The following SH3GL2 variants were observed in gnomAD, a reference collection of about 807,000 sequenced individuals.
SH3GL2 encodes endophilin-A1.
SH3GL2 carries 24 observed loss-of-function variants against 46.0 expected under a neutral mutation model. The observed-to-expected ratio is 0.52, with a 90% CI of 0.38 to 0.73. The LOEUF (loss-of-function observed/expected upper bound fraction) is 0.73, where lower values mean the gene tolerates loss of function less well. Among genes scored for constraint, SH3GL2 ranks in the 30% least tolerant of loss-of-function variants. The pLI, the probability that SH3GL2 is intolerant of heterozygous loss-of-function variation, is 0.00. For missense variants in SH3GL2, 413 were observed against 424.2 expected, an observed-to-expected ratio of 0.97 and a Z score of 0.23; for synonymous variants, 196 against 147.1, an observed-to-expected ratio of 1.33 and a Z score of -2.40.
At chr9:17,683,286 G>A (rs1473327942) in intron 1 of SH3GL2, among the ~76,000 whole-genome samples, 3 of 152,106 alleles carry the variant, frequency 2.0e-5, no homozygotes, top group African/African-American at 7.2e-5. Context: ...AACACTGGGG[G>A]CAAGGCAAGT....
intron 1 of SH3GL2, among the ~76,000 whole-genome samples, chr9:17,605,001 G>C (rs1177258990): frequency 1.3e-5 from 2 of 150,388 alleles, no homozygotes; most frequent in Non-Finnish European, 3.0e-5. Context: ...TTTTGAAATG[G>C]GGTCTTTGTG....
intron 1 of SH3GL2, among the ~76,000 whole-genome samples, chr9:17,706,763 C>G (rs934576161): frequency 6.6e-6 from 1 of 151,922 alleles, no homozygotes; most frequent in African/African-American, 2.4e-5. Flanking sequence ...TTGCAGGTCC[C>G]TCTATTCCTG....
intron 1 of SH3GL2, among the ~76,000 whole-genome samples, chr9:17,672,592 C>G (rs1820501074): frequency 6.6e-6 from 1 of 152,110 alleles, no homozygotes; most frequent in African/African-American, 2.4e-5. Context: ...GGCAAATGAG[C>G]TGCAACAGAG....
intron 1 of SH3GL2, among the ~76,000 whole-genome samples, chr9:17,618,109 A>G (rs1819048651): frequency 6.6e-6 from 1 of 152,104 alleles, no homozygotes; most frequent in Admixed American, 6.6e-5. Context: ...TCCAGTTTGC[A>G]TTGGTTCTCA....
At chr9:17,769,372 C>A (rs927405275) in intron 3 of SH3GL2, among the ~76,000 whole-genome samples, 1 of 152,160 alleles carries the variant, frequency 6.6e-6, no homozygotes, top group East Asian at 1.9e-4. Context: ...CACTATACTG[C>A]CTTTTTCCAT....
intron 1 of SH3GL2, among the ~76,000 whole-genome samples, chr9:17,587,898 C>CAAA (rs1818411101): frequency 3.4e-5 from 5 of 145,354 alleles, no homozygotes; most frequent in African/African-American, 1.4e-4. Flanking sequence ...AAAACAAAAA[C>CAAA]CAAAAAAAAA....
chr9:17,610,432 A>G (rs2134579706), intron 1 of SH3GL2, among the ~76,000 whole-genome samples: 1 of 152,326 alleles, frequency 6.6e-6, no homozygotes, highest in Admixed American at 6.5e-5. Flanking sequence ...CAAAGAGTAT[A>G]CAATTTAGTA....
At chr9:17,732,348 G>T (rs559471132) in intron 1 of SH3GL2, among the ~76,000 whole-genome samples, 105 of 152,056 alleles carry the variant, frequency 6.9e-4, no homozygotes, top group Non-Finnish European at 1.2e-3. Context: ...ATATCAAAGA[G>T]AATTAATTAG....
intron 3 of SH3GL2, among the ~76,000 whole-genome samples, chr9:17,776,017 G>A (rs914927393): frequency 6.6e-6 from 1 of 152,178 alleles, no homozygotes; most frequent in African/African-American, 2.4e-5. Context: ...TTTAAAAAGT[G>A]ATTTACAAAA....
Position 17,689,806 on chromosome 9 carries a change from C to G in SH3GL2, c.46-57260C>G, listed in dbSNP as rs145452308. ...AATAGTATCTCCTGCAGTCTATAAC[C>G]ACAAAACTTGTGTTCTTTGTCTTCA... On this transcript the variant is annotated intron_variant, in intron 1 of 8. Coordinates refer to ENST00000380607, the MANE Select transcript of SH3GL2 (RefSeq NM_003026.5). 6.7e-4 allele frequency among the ~76,000 whole-genome samples: 102 copies of G among 152,172 alleles called. 2 individuals carry two copies. In the East Asian group the frequency reaches 0.019, roughly 29 times the overall value.
At chr9:17,753,525 C>CT (rs545360622) in intron 2 of SH3GL2, among the ~76,000 whole-genome samples, 39 of 151,930 alleles carry the variant, frequency 2.6e-4, no homozygotes, top group Non-Finnish European at 4.3e-4. Flanking sequence ...GGGTTGTTTG[C>CT]TTTTTTTCTT....
At chr9:17,616,207 G>A (rs908569316) in intron 1 of SH3GL2, among the ~76,000 whole-genome samples, 33 of 152,280 alleles carry the variant, frequency 2.2e-4, no homozygotes, top group African/African-American at 7.5e-4. Flanking sequence ...TGGAAAAAAA[G>A]AGATAAATTA....
chr9:17,584,320 G>A (rs1197195959), intron 1 of SH3GL2, among the ~76,000 whole-genome samples: 2 of 152,108 alleles, frequency 1.3e-5, no homozygotes, highest in African/African-American at 2.4e-5. Context: ...TGCCAGTGCA[G>A]TGAAACCTCG....
Position 17,757,154 on chromosome 9 carries a change from C to T in SH3GL2, c.115-4283C>T, listed in dbSNP as rs192760983. Reference sequence around the variant, plus strand: ...GAGAAGTGTCTGTTCCTATCCTTTGCCCCCTTTTTGAAGACTTAAATGTTA... The same window carrying T: ...GAGAAGTGTCTGTTCCTATCCTTTGTCCCCTTTTTGAAGACTTAAATGTTA... On this transcript the variant is annotated intron_variant, in intron 2 of 8. Transcript: ENST00000380607. Among the ~76,000 whole-genome samples, 440 of 152,170 alleles carry T rather than the reference C, an allele frequency of 2.9e-3. 2 individuals carry two copies. The highest frequency in any genetic ancestry group is 9.6e-3 in the African/African-American group (397 of 41,516).
intron 1 of SH3GL2, among the ~76,000 whole-genome samples, chr9:17,624,904 A>C (rs3824388): frequency 3.3e-5 from 5 of 152,094 alleles, no homozygotes; most frequent in African/African-American, 4.8e-5. Context: ...TGTTGGGTCA[A>C]GTGGAAATGT....
rs1422410393 is a variant in SH3GL2 at position 17,668,570 on chromosome 9, CTTAAG to C, written c.46-78492_46-78488del. Among the ~76,000 whole-genome samples the C allele has an allele frequency of 2.6e-5, 4 of 152,286 alleles. No homozygotes were observed. In the East Asian group the frequency reaches 7.7e-4, roughly 29 times the overall value. On this transcript the variant is annotated intron_variant, in intron 1 of 8. Transcript: ENST00000380607. ...GAGCTAAAGAAAGTTTTTTCCTACA[CTTAAG>C]TTATGGGGGAATTCACCCATGTTTT...
chr9:17,731,612 G>A (rs1017185560), intron 1 of SH3GL2, among the ~76,000 whole-genome samples: 3 of 152,154 alleles, frequency 2.0e-5, no homozygotes, highest in Non-Finnish European at 4.4e-5. Flanking sequence ...TGGGCTTCTA[G>A]TTCTAGAACC....
chr9:17,645,738 T>G (rs1819799215), intron 1 of SH3GL2, among the ~76,000 whole-genome samples: 1 of 152,180 alleles, frequency 6.6e-6, no homozygotes, highest in African/African-American at 2.4e-5. Flanking sequence ...TGCTGAGAGA[T>G]CCGCTGTTAG....
chr9:17,579,750 G>A (rs1270615892), intron 1 of SH3GL2, among the ~76,000 whole-genome samples: 1 of 152,184 alleles, frequency 6.6e-6, no homozygotes, highest in East Asian at 1.9e-4. Flanking sequence ...GCGGAGGCCG[G>A]CGGTTTGCGC....
Sources: gnomAD v4.1 joint callset for allele counts (sites outside exome capture counted in the v4.1 genomes callset) on GRCh38, gnomAD v4.1.1 for gene constraint, MANE v1.5 for transcripts, NCBI Gene and HGNC (gene_info 2026-07-23, HGNC 2026-07-21) for gene names.